PRKCH: variants seen among roughly 807,000 people sequenced by gnomAD.
The protein encoded by PRKCH is protein kinase C eta type.
A neutral mutation model predicts 82.5 loss-of-function variants in PRKCH; 28 were observed. That is an observed-to-expected ratio of 0.34 (90% CI 0.25 to 0.47). The LOEUF (loss-of-function observed/expected upper bound fraction) is 0.47. Among genes scored for constraint, PRKCH ranks in the 20% least tolerant of loss-of-function variants. PRKCH has a pLI of 1.00. For synonymous variants in PRKCH, 322 were observed against 327.4 expected (o/e 0.98, Z 0.18); for missense variants, 705 against 881.8 (o/e 0.80, Z 2.54).
intron 12 of PRKCH, among the ~76,000 whole-genome samples, chr14:61,546,392 A>T (rs2043258207): frequency 6.6e-6 from 1 of 152,298 alleles, no homozygotes; most frequent in South Asian, 2.1e-4. Context: ...TGTTACTAGG[A>T]GAGAGGAGAA....
At chr14:61,377,419 T>A (rs2046441061) in intron 1 of PRKCH, among the ~76,000 whole-genome samples, 1 of 152,230 alleles carries the variant, frequency 6.6e-6, no homozygotes, top group Non-Finnish European at 1.5e-5. Context: ...TTGCCAGATA[T>A]TTCTATTTGA....
intron 1 of PRKCH, among the ~76,000 whole-genome samples, chr14:61,326,517 A>G (rs1259289171): frequency 6.6e-6 from 1 of 152,224 alleles, no homozygotes. Context: ...CAATGATTTC[A>G]CAGTTATATA....
At chr14:61,328,632 GAGTAGCATTTGCGTAGAAT>G (rs2045736828) in intron 1 of PRKCH, among the ~76,000 whole-genome samples, 1 of 152,106 alleles carries the variant, frequency 6.6e-6, no homozygotes, top group African/African-American at 2.4e-5. Context: ...TTTATGAGAA[GAGTAGCATTTGCGTAGAAT>G]AATAGAGGTG....
At chr14:61,283,334 G>A (rs2045288083) in intron 1 of PRKCH, among the ~76,000 whole-genome samples, 1 of 152,090 alleles carries the variant, frequency 6.6e-6, no homozygotes, top group East Asian at 1.9e-4. Flanking sequence ...GATTTTCAAA[G>A]TCAAAAGAGA....
intron 10 of PRKCH, chr14:61,492,274 G>A (rs542546024): frequency 6.6e-6 from 1 of 152,244 alleles, no homozygotes; most frequent in Non-Finnish European, 1.5e-5. Flanking sequence ...GGTAAGGCCG[G>A]TCATGTTGCC....
At chr14:61,494,324 T>A (rs997568951) in intron 10 of PRKCH, among the ~76,000 whole-genome samples, 2 of 152,256 alleles carry the variant, frequency 1.3e-5, no homozygotes, top group Non-Finnish European at 2.9e-5. Flanking sequence ...ACAATTGGTA[T>A]GTTCATCATT....
intron 1 of PRKCH, among the ~76,000 whole-genome samples, chr14:61,349,779 T>G (rs1018457606): frequency 6.6e-6 from 1 of 151,722 alleles, no homozygotes; most frequent in Admixed American, 6.6e-5. Flanking sequence ...GATAATTGCT[T>G]GAACCTGGGA....
chr14:61,470,142 C>T (rs1400227254), intron 9 of PRKCH, among the ~76,000 whole-genome samples: 1 of 151,252 alleles, frequency 6.6e-6, no homozygotes, highest in African/African-American at 2.4e-5. Context: ...TCAAGTGCTC[C>T]GTTATATTTT....
chr14:61,291,801 A>G (rs1229339376), intron 1 of PRKCH, among the ~76,000 whole-genome samples: 1 of 152,176 alleles, frequency 6.6e-6, no homozygotes, highest in Non-Finnish European at 1.5e-5. Flanking sequence ...CAGGTTTCTT[A>G]TAAGCTTTTG....
At chr14:61,204,158 C>T (rs2044504763) in intron 1 of PRKCH, among the ~76,000 whole-genome samples, 1 of 152,046 alleles carries the variant, frequency 6.6e-6, no homozygotes, top group South Asian at 2.1e-4. Context: ...ATACTGCAGG[C>T]TGGGATTCTG....
At chr14:61,380,076 A>C (rs1011502221) in intron 1 of PRKCH, among the ~76,000 whole-genome samples, 1 of 151,646 alleles carries the variant, frequency 6.6e-6, no homozygotes, top group Non-Finnish European at 1.5e-5. Flanking sequence ...TTGTTTTATT[A>C]TGGGGTTTCA....
At chr14:61,282,626 A>C (rs769780608) in intron 1 of PRKCH, among the ~76,000 whole-genome samples, 64 of 152,336 alleles carry the variant, frequency 4.2e-4, no homozygotes, top group Admixed American at 1.1e-3. Flanking sequence ...AGGAGTAAGA[A>C]ACAATCAAAA....
chr14:61,404,495 T>C (rs1330030703), intron 2 of PRKCH, among the ~76,000 whole-genome samples: 1 of 118,466 alleles, frequency 8.4e-6, no homozygotes, highest in African/African-American at 3.8e-5. Flanking sequence ...AGAGTATTTA[T>C]GTAGAAAACT....
chr14:61,432,126 C>T (rs1457783635), intron 2 of PRKCH, among the ~76,000 whole-genome samples: 3 of 149,848 alleles, frequency 2.0e-5, no homozygotes, highest in African/African-American at 7.4e-5. Context: ...GTAACTAAGT[C>T]TAAAGTTAGC....
intron 2 of PRKCH, among the ~76,000 whole-genome samples, chr14:61,416,880 G>A (rs938833956): frequency 6.6e-5 from 10 of 152,192 alleles, no homozygotes; most frequent in African/African-American, 1.9e-4. Flanking sequence ...AGTAGTGGAA[G>A]GGCTTAGCGG....
intron 1 of PRKCH, among the ~76,000 whole-genome samples, chr14:61,388,854 T>C (rs2046630010): frequency 6.6e-6 from 1 of 152,232 alleles, no homozygotes; most frequent in Admixed American, 6.5e-5. Flanking sequence ...TGATTTATAG[T>C]GTGGTAACCA....
chr14:61,346,191 A>T (rs1048203574), intron 1 of PRKCH, among the ~76,000 whole-genome samples: 1 of 152,122 alleles, frequency 6.6e-6, no homozygotes, highest in African/African-American at 2.4e-5. Context: ...GGGTGGCACC[A>T]ATTTTTTTTT....
At chr14:61,452,033 G>A (rs1186873522) in intron 6 of PRKCH, among the ~76,000 whole-genome samples, 2 of 152,222 alleles carry the variant, frequency 1.3e-5, no homozygotes, top group African/African-American at 4.8e-5. Context: ...TTCCCAGTGG[G>A]AAATCCCTTT....
rs547671583 is a variant in PRKCH, at chr14:61,499,630, G to A, written c.1433+13974G>A. On this transcript the variant is annotated intron_variant, in intron 10 of 13. Transcript: ENST00000332981. Reference sequence around the variant, plus strand: ...TTTGCGTCAAAATTTACTGTGTTCCGCTGACAAAATTCTAGAATCTCAAAG... The same window carrying A: ...TTTGCGTCAAAATTTACTGTGTTCCACTGACAAAATTCTAGAATCTCAAAG... Among the ~76,000 whole-genome samples the A allele has an allele frequency of 3.0e-3, 457 of 152,164 alleles. 3 individuals are homozygous for A. Among genetic ancestry groups the A allele is most frequent in the Middle Eastern group, 6.8e-3 (2 of 294 alleles).
Sources: allele counts gnomAD v4.1 joint callset (sites outside exome capture counted in the v4.1 genomes callset), GRCh38; gene constraint gnomAD v4.1.1; transcripts MANE v1.5; gene names NCBI Gene and HGNC (gene_info 2026-07-23, HGNC 2026-07-21).